CCDC146: variants seen among roughly 807,000 people sequenced by gnomAD.
CCDC146 encodes the protein coiled-coil domain containing 146.
A neutral mutation model predicts 119.3 loss-of-function variants in CCDC146; 92 were observed. That is an observed-to-expected ratio of 0.77 (90% CI 0.65 to 0.92). The LOEUF is 0.92. Ranked by LOEUF, CCDC146 falls within the 40% of genes least tolerant of loss-of-function variation. The probability of loss-of-function intolerance (pLI) is 0.00; values close to 1 mark genes in which losing one functional copy is unlikely to be tolerated. For synonymous variants in CCDC146, 372 were observed against 371.8 expected (o/e 1.00, Z -0.01); for missense variants, 1,000 against 1,103.0 (o/e 0.91, Z 1.32).
chr7:77,276,610 A>C (rs984603815), intron 11 of CCDC146, among the ~76,000 whole-genome samples: 7 of 152,236 alleles, frequency 4.6e-5, no homozygotes, highest in Admixed American at 1.3e-4. Context: ...TTTAGACTCC[A>C]TAATGAAGGC....
At chr7:77,158,377 T>C (rs1305975463) in intron 1 of CCDC146, among the ~76,000 whole-genome samples, 1 of 152,182 alleles carries the variant, frequency 6.6e-6, no homozygotes, top group East Asian at 1.9e-4. Context: ...AAACATTCTC[T>C]GTTCATATCA....
chr7:77,212,764 A>G (rs577922256), intron 2 of CCDC146, among the ~76,000 whole-genome samples: 1 of 152,212 alleles, frequency 6.6e-6, no homozygotes, highest in South Asian at 2.1e-4. Flanking sequence ...AAGTGTCATT[A>G]GCAGATTCTA....
At chr7:77,254,946 C>T (rs1396271667) in intron 5 of CCDC146, among the ~76,000 whole-genome samples, 2 of 152,196 alleles carry the variant, frequency 1.3e-5, no homozygotes, top group African/African-American at 2.4e-5. Flanking sequence ...TTATCTATTC[C>T]TGCCTAACAA....
chr7:77,247,619 C>G (rs977634232), intron 4 of CCDC146, among the ~76,000 whole-genome samples: 17 of 152,044 alleles, frequency 1.1e-4, no homozygotes, highest in Non-Finnish European at 7.4e-5. Context: ...ATAACATAAT[C>G]CCATTAAAAA....
In CCDC146 at chr7:77,287,589, A is replaced by T; in HGVS notation, c.2415+12A>T. On this transcript the variant is annotated intron_variant, in intron 17 of 18. Coordinates refer to ENST00000285871, the MANE Select transcript of CCDC146 (RefSeq NM_020879.3). ...TCTTAGCCAAGAAGGTAGGCCTGAGACCCTGCCTTTTCCCTTCTGCCCCTG... is the reference window on the plus strand; with the variant it reads ...TCTTAGCCAAGAAGGTAGGCCTGAGTCCCTGCCTTTTCCCTTCTGCCCCTG... 1 of 1,609,896 alleles carries T rather than the reference A, an allele frequency of 6.2e-7. No individual in the cohort carries two copies. Among genetic ancestry groups the T allele is most frequent in the Non-Finnish European group, 8.5e-7 (1 of 1,178,222 alleles).
At chr7:77,281,133 A>G (rs1221318399) in intron 14 of CCDC146, among the ~76,000 whole-genome samples, 2 of 139,686 alleles carry the variant, frequency 1.4e-5, no homozygotes, top group African/African-American at 2.8e-5. Flanking sequence ...AAAAGAGAGA[A>G]AGAAAGAAAT....
Position 77,287,442 on chromosome 7 carries a change from G to A in CCDC146, c.2280G>A (p.Leu760=). 1 of 1,613,736 alleles carries A rather than the reference G, an allele frequency of 6.2e-7. No homozygotes were observed. The change falls in exon 17 of 19, where the codon CTG becomes CTA. Residue 760 remains leucine, a splice_region_variant and synonymous_variant. Transcript: ENST00000285871. ...EKEMIQKLDK[L]ELQLAKKEEK... ...CTTGAACCAATTTTCAAACATAGCT[G>A]GAACTACAACTGGCCAAGAAGGAGG...
At chr7:77,291,332 T>C (rs1793939325) in intron 17 of CCDC146, among the ~76,000 whole-genome samples, 1 of 151,536 alleles carries the variant, frequency 6.6e-6, no homozygotes, top group South Asian at 2.1e-4. Flanking sequence ...ACTTCTTTCC[T>C]GACTCTTGAG....
At chr7:77,251,900 G>A (rs1290027446) in intron 4 of CCDC146, among the ~76,000 whole-genome samples, 1 of 152,206 alleles carries the variant, frequency 6.6e-6, no homozygotes, top group East Asian at 1.9e-4. Context: ...TGTAATCCCA[G>A]CACTTTGGGA....
At chr7:77,271,064 A>G (rs1003958699) in intron 9 of CCDC146, among the ~76,000 whole-genome samples, 19 of 151,986 alleles carry the variant, frequency 1.3e-4, no homozygotes, top group Non-Finnish European at 1.5e-5. Context: ...AAAAAAAAAA[A>G]AAAAACAGCA....
chr7:77,262,345 G>A (rs759911363), intron 9 of CCDC146, 38 bp downstream of exon 9: 2 of 1,462,182 alleles, frequency 1.4e-6, no homozygotes, highest in Non-Finnish European at 1.8e-6. Flanking sequence ...TTTAAGCTCG[G>A]TGCTAACTTT....
chr7:77,170,397 G>A (rs1791403751), intron 2 of CCDC146, among the ~76,000 whole-genome samples: 1 of 152,130 alleles, frequency 6.6e-6, no homozygotes, highest in East Asian at 1.9e-4. Context: ...CCACTAGATT[G>A]ATTCCACATC....
chr7:77,140,951 G>A (rs1790923875), intron 1 of CCDC146, among the ~76,000 whole-genome samples: 1 of 151,780 alleles, frequency 6.6e-6, no homozygotes, highest in Non-Finnish European at 1.5e-5. Context: ...TTCAGTTCTG[G>A]GATACATGTG....
intron 1 of CCDC146, among the ~76,000 whole-genome samples, chr7:77,126,384 C>T (rs990809765): frequency 1.3e-5 from 2 of 152,016 alleles, no homozygotes; most frequent in African/African-American, 4.8e-5. Context: ...AATTCTTGTC[C>T]TGCATCCAGG....
chr7:77,190,985 TATGCCTCTGTGTGACATGTCCCCACAGGC>T (rs1791753281), intron 2 of CCDC146, among the ~76,000 whole-genome samples: 1 of 152,164 alleles, frequency 6.6e-6, no homozygotes, highest in Non-Finnish European at 1.5e-5. Context: ...GGTACAGCAA[TATGCCTCTGTGTGACATGTCCCCACAGGC>T]ATGTTCCTAG....
chr7:77,271,353 A>G (rs1297807940), intron 9 of CCDC146, among the ~76,000 whole-genome samples: 4 of 151,184 alleles, frequency 2.6e-5, no homozygotes, highest in Admixed American at 6.6e-5. Flanking sequence ...GCCCTCGAAC[A>G]TCGGACTCCA....
chr7:77,246,789 GA>G (rs1792958728), intron 4 of CCDC146, among the ~76,000 whole-genome samples: 2 of 152,148 alleles, frequency 1.3e-5, no homozygotes, highest in African/African-American at 4.8e-5. Flanking sequence ...TTGACTGTGT[GA>G]CTTTGGAAAA....
At chr7:77,262,788 G>T (rs1343378031) in intron 9 of CCDC146, among the ~76,000 whole-genome samples, 1 of 152,212 alleles carries the variant, frequency 6.6e-6, no homozygotes, top group Admixed American at 6.5e-5. Context: ...CTAATTCTGT[G>T]CAGGGTCAGA....
intron 2 of CCDC146, among the ~76,000 whole-genome samples, chr7:77,209,824 CA>C (rs1395375163): frequency 6.6e-6 from 1 of 152,222 alleles, no homozygotes; most frequent in Non-Finnish European, 1.5e-5. Flanking sequence ...CCCTCTGAAA[CA>C]ACAGCCCATT....
Sources: allele counts gnomAD v4.1 joint callset (sites outside exome capture counted in the v4.1 genomes callset), GRCh38; gene constraint gnomAD v4.1.1; transcripts MANE v1.5; gene names NCBI Gene and HGNC (gene_info 2026-07-23, HGNC 2026-07-21).